GPCPD1: variants seen among roughly 807,000 people sequenced by gnomAD.
GPCPD1 encodes glycerophosphocholine phosphodiesterase 1.
GPCPD1 carries 29 observed loss-of-function variants against 89.2 expected under a neutral mutation model. The observed-to-expected ratio is 0.33, with a 90% CI of 0.24 to 0.44. The LOEUF is 0.44. Ranked by LOEUF, GPCPD1 falls within the 20% of genes least tolerant of loss-of-function variation. The pLI is 1.00. For missense variants in GPCPD1, 594 were observed against 808.9 expected (o/e 0.73, Z 3.22); for synonymous variants, 258 against 266.3 (o/e 0.97, Z 0.30).
Position 5,567,562 on chromosome 20 carries a change from TAAAAA to T in GPCPD1, c.1150-7_1150-3del, listed in dbSNP as rs11475275. On this transcript the variant is annotated splice_region_variant and splice_polypyrimidine_tract_variant and intron_variant, in intron 12 of 19. Transcript: ENST00000379019. ...TTCAACTGGATCAGCATCAAATTTCTAAAAAAAAAAAAAAAAGAAAGAAAGAAAAA... is the reference window on the plus strand; with the variant it reads ...TTCAACTGGATCAGCATCAAATTTCTAAAAAAAAAAAGAAAGAAAGAAAAA... 49 of 1,297,372 alleles carry T rather than the reference TAAAAA, an allele frequency of 3.8e-5. No homozygotes were observed. In the South Asian group the frequency reaches 4.9e-4, roughly 13 times the overall value. 80.4% of individuals were successfully genotyped at this position (1,297,372 alleles called of 1,614,324 possible).
At position 5,556,913 on chromosome 20, in the gene GPCPD1, G is replaced by C. The variant is rs1402896652; in HGVS notation, c.1829+1032C>G. On this transcript the variant is annotated intron_variant, in intron 19 of 19. Coordinates refer to ENST00000379019, the MANE Select transcript of GPCPD1 (RefSeq NM_019593.5). ...GGCTAGGGAGAAAAACAAGTAAAAT[G>C]TAACACAGAATATGTGGTGTGTCAG... 2.6e-5 allele frequency among the ~76,000 whole-genome samples: 4 copies of C among 152,330 alleles called. No individual in the cohort carries two copies. In the South Asian group the frequency reaches 6.2e-4, roughly 24 times the overall value.
rs561665231 is a variant in GPCPD1 at position 5,569,571 on chromosome 20, AG to A, written c.1149+575del. Among the ~76,000 whole-genome samples the A allele has an allele frequency of 2.1e-3, 316 of 151,542 alleles. 5 individuals are homozygous for A. The highest frequency in any genetic ancestry group is 7.2e-3 in the African/African-American group (299 of 41,294). ...TCCAATTCAGGCTTACCTTTCCTGT[AG>A]CCCACATTGCTGCTCGCCCTGCCTG... is the stretch of plus-strand genomic sequence containing the variant. On this transcript the variant is annotated intron_variant, in intron 12 of 19. Coordinates refer to ENST00000379019, the MANE Select transcript of GPCPD1 (RefSeq NM_019593.5).
At chr20:5,562,548 C>T (rs1246329377) in intron 15 of GPCPD1, among the ~76,000 whole-genome samples, 1 of 152,210 alleles carries the variant, frequency 6.6e-6, no homozygotes, top group East Asian at 1.9e-4. Context: ...TCCAGAAGTG[C>T]TGGGATTACA....
chr20:5,591,456 A>G (rs1214434159), intron 4 of GPCPD1, among the ~76,000 whole-genome samples: 1 of 152,230 alleles, frequency 6.6e-6, no homozygotes, highest in African/African-American at 2.4e-5. Context: ...CATAATCGCA[A>G]AACTTTTAGC....
At chr20:5,575,170 T>C (rs1330667471) in intron 10 of GPCPD1, among the ~76,000 whole-genome samples, 1 of 152,158 alleles carries the variant, frequency 6.6e-6, no homozygotes, top group Non-Finnish European at 1.5e-5. Context: ...CTCCCAAAGC[T>C]TTCTGCACCA....
At chr20:5,583,225 CAAAAAAA>C (rs35153907) in intron 6 of GPCPD1, among the ~76,000 whole-genome samples, 2 of 64,256 alleles carry the variant, frequency 3.1e-5, no homozygotes, top group Non-Finnish European at 5.5e-5. Flanking sequence ...AACTCCATCT[CAAAAAAA>C]AAAAAAAAAA....
intron 19 of GPCPD1, among the ~76,000 whole-genome samples, chr20:5,548,683 A>T (rs574176978): frequency 2.6e-5 from 4 of 152,222 alleles, no homozygotes; most frequent in Non-Finnish European, 5.9e-5. Context: ...AGAAAAACCC[A>T]AGAGACAAAG....
At chr20:5,605,030 A>G (rs1324981078) in intron 1 of GPCPD1, among the ~76,000 whole-genome samples, 1 of 146,798 alleles carries the variant, frequency 6.8e-6, no homozygotes, top group Non-Finnish European at 1.5e-5. Context: ...AATTATGAGC[A>G]AAAAAAAAGA....
rs533203863 is a variant in GPCPD1, at chr20:5,598,184, C to A, written c.146+541G>T. ...GACACCACCTTTGTGCCAAAAAAAA[C>A]CCCAAAAAACAAACAAACAAAAAAG... On this transcript the variant is annotated intron_variant, in intron 3 of 19. Transcript: ENST00000379019. Among the ~76,000 whole-genome samples, 46 of 144,270 alleles carry A rather than the reference C, an allele frequency of 3.2e-4. 2 individuals carry two copies. The highest frequency in any genetic ancestry group is 2.9e-4 in the African/African-American group (11 of 38,100). 94.6% of individuals were successfully genotyped at this position (144,270 alleles called of 152,430 possible).
intron 4 of GPCPD1, among the ~76,000 whole-genome samples, chr20:5,588,042 A>AT (rs1280176540): frequency 1.3e-5 from 2 of 152,246 alleles, no homozygotes; most frequent in African/African-American, 4.8e-5. Context: ...GACTGGGTAG[A>AT]TTTTTTAAAA....
chr20:5,548,055 T>C (rs1486529510), intron 19 of GPCPD1, among the ~76,000 whole-genome samples: 2 of 152,208 alleles, frequency 1.3e-5, no homozygotes, highest in Non-Finnish European at 2.9e-5. Context: ...TAATCCAGAA[T>C]AGCAGCATTG....
intron 15 of GPCPD1, among the ~76,000 whole-genome samples, chr20:5,563,212 C>T (rs1048246747): frequency 6.6e-6 from 1 of 152,150 alleles, no homozygotes; most frequent in African/African-American, 2.4e-5. Context: ...ATCCCCTGAC[C>T]TCGTGATCCA....
intron 11 of GPCPD1, among the ~76,000 whole-genome samples, chr20:5,571,541 T>C (rs6053504): frequency 0.25 from 37,467 of 152,072 alleles, 5,062 homozygotes; most frequent in East Asian, 0.43. Flanking sequence ...ATGTGATCCC[T>C]GTGAGTTATA....
chr20:5,549,141 A>AG (rs1985218839), intron 19 of GPCPD1: 1 of 649,900 alleles, frequency 1.5e-6, no homozygotes, highest in Admixed American at 1.9e-5. Flanking sequence ...TGGGAAGATG[A>AG]GAAAAACAAA....
chr20:5,593,517 C>G (rs768350081), intron 3 of GPCPD1, 106 bp from the exon 4 acceptor site: 1 of 668,544 alleles, frequency 1.5e-6, no homozygotes, highest in Non-Finnish European at 2.7e-6. Context: ...ACCAATATCA[C>G]TTATTTATTC....
chr20:5,575,568 G>A (rs765334281), intron 9 of GPCPD1, 23 bp from the exon 10 acceptor site: 2 of 1,490,484 alleles, frequency 1.3e-6, no homozygotes, highest in Admixed American at 1.8e-5. Flanking sequence ...AAAAGAGGGA[G>A]GAACAAAAAT....
intron 19 of GPCPD1, among the ~76,000 whole-genome samples, chr20:5,554,930 C>T (rs1414486170): frequency 6.6e-6 from 1 of 152,178 alleles, no homozygotes; most frequent in Admixed American, 6.5e-5. Flanking sequence ...TGATATCAAT[C>T]CTCATAGATG....
chr20:5,569,670 TA>T (rs1322563696), intron 12 of GPCPD1, among the ~76,000 whole-genome samples: 10 of 152,252 alleles, frequency 6.6e-5, no homozygotes, highest in Non-Finnish European at 5.9e-5. Context: ...CCTTTTCAGC[TA>T]AAAAGTATTT....
chr20:5,559,104 G>T (rs924176300), intron 17 of GPCPD1, among the ~76,000 whole-genome samples: 7 of 151,958 alleles, frequency 4.6e-5, no homozygotes, highest in African/African-American at 1.7e-4. Flanking sequence ...GAGGAGGCTG[G>T]GGCACCAGAT....
Sources: allele counts gnomAD v4.1 joint callset (sites outside exome capture counted in the v4.1 genomes callset), GRCh38; gene constraint gnomAD v4.1.1; transcripts MANE v1.5; gene names NCBI Gene and HGNC (gene_info 2026-07-23, HGNC 2026-07-21).